RABGAP1L: variants seen among roughly 807,000 people sequenced by gnomAD.
RABGAP1L encodes rab GTPase-activating protein 1-like.
A neutral mutation model predicts 137.7 loss-of-function variants in RABGAP1L; 63 were observed. That is an observed-to-expected ratio of 0.46 (90% CI 0.37 to 0.56). RABGAP1L has a LOEUF of 0.56. RABGAP1L is among the 20% of genes least tolerant of loss of function. RABGAP1L has a pLI of 0.00. For missense variants in RABGAP1L, 1,095 were observed against 1,244.0 expected, an observed-to-expected ratio of 0.88 and a Z score of 1.80; for synonymous variants, 431 against 433.7, an observed-to-expected ratio of 0.99 and a Z score of 0.08.
intron 10 of RABGAP1L, among the ~76,000 whole-genome samples, chr1:174,286,406 A>G (rs542247643): frequency 5.9e-5 from 9 of 152,054 alleles, no homozygotes; most frequent in Middle Eastern, 3.2e-3. Flanking sequence ...GGTATCAGTT[A>G]TAATGCCTCT....
At position 174,189,016 on chromosome 1, in the gene RABGAP1L, A is replaced by G. The variant is rs554053286; in HGVS notation, c.-34+29359A>G. Among the ~76,000 whole-genome samples the G allele has an allele frequency of 4.6e-5, 7 of 152,136 alleles. No homozygotes were observed. The East Asian group carries it at 1.2e-3, about 25-fold the overall frequency. ...AGTCTTAGATAGCATTTATTTATTT[A>G]TTTGTTTATGATGGAGTCTTGCTCT... On this transcript the variant is annotated intron_variant, in intron 1 of 25. Transcript: ENST00000681986.
At chr1:174,381,384 TG>T (rs1265175449) in intron 12 of RABGAP1L, among the ~76,000 whole-genome samples, 12 of 141,848 alleles carry the variant, frequency 8.5e-5, no homozygotes, top group African/African-American at 2.8e-4. Flanking sequence ...ATGTTGACAG[TG>T]GGGTGTTAAA....
chr1:174,690,870 T>C (rs1678824296), intron 15 of RABGAP1L, among the ~76,000 whole-genome samples: 1 of 147,270 alleles, frequency 6.8e-6, no homozygotes, highest in African/African-American at 2.5e-5. Context: ...TCTCGCTCTA[T>C]GACCCAGGCT....
Position 174,551,015 on chromosome 1 carries a change from T to TAC in RABGAP1L, c.1711-86359_1711-86358insCA, listed in dbSNP as rs1234317875. 2.4e-4 allele frequency among the ~76,000 whole-genome samples: 30 copies of TAC among 126,722 alleles called. 1 individual carries two copies. The highest frequency in any genetic ancestry group is 3.8e-4 in the Non-Finnish European group (24 of 63,682). The allele number at this position is 126,722 out of a possible 152,430, so 83.1% of individuals were successfully genotyped here. ...ATATATACACATATATATATATATA[T>TAC]ATATATACATACACACACACACATA... On this transcript the variant is annotated intron_variant, in intron 13 of 25. Coordinates refer to ENST00000681986, the MANE Select transcript of RABGAP1L (RefSeq NM_001366446.1).
At chr1:174,496,327 G>A (rs1288414355) in intron 13 of RABGAP1L, among the ~76,000 whole-genome samples, 2 of 152,278 alleles carry the variant, frequency 1.3e-5, no homozygotes, top group African/African-American at 2.4e-5. Context: ...AACTTCAAAA[G>A]TAGGAAACAG....
intron 19 of RABGAP1L, among the ~76,000 whole-genome samples, chr1:174,886,135 T>C (rs146474401): frequency 5.8e-4 from 88 of 151,002 alleles, no homozygotes; most frequent in Middle Eastern, 6.8e-3. Flanking sequence ...TACCTCAGCC[T>C]ATGGGTAGCT....
chr1:174,719,025 G>A (rs1026567031), intron 17 of RABGAP1L, among the ~76,000 whole-genome samples: 2 of 151,780 alleles, frequency 1.3e-5, no homozygotes, highest in African/African-American at 4.8e-5. Context: ...TTTTAGTAGA[G>A]ATGGGGTTTC....
At chr1:174,721,266 A>C (rs76014701) in intron 17 of RABGAP1L, among the ~76,000 whole-genome samples, 11,997 of 152,306 alleles carry the variant, frequency 0.079, 660 homozygotes, top group East Asian at 0.32. Context: ...ACGGCCATAC[A>C]TAGAAGCATG....
intron 18 of RABGAP1L, among the ~76,000 whole-genome samples, chr1:174,799,062 A>G (rs1291123331): frequency 6.6e-6 from 1 of 152,204 alleles, no homozygotes; most frequent in African/African-American, 2.4e-5. Flanking sequence ...GTTTTCAACT[A>G]TTAGCTGAGT....
chr1:174,449,373 A>G (rs992102511), intron 13 of RABGAP1L, among the ~76,000 whole-genome samples: 10 of 152,216 alleles, frequency 6.6e-5, no homozygotes, highest in Non-Finnish European at 1.2e-4. Flanking sequence ...ACTAAAGGGA[A>G]GGATGTATAG....
At chr1:174,202,811 G>C (rs555630911) in intron 1 of RABGAP1L, among the ~76,000 whole-genome samples, 106 of 152,052 alleles carry the variant, frequency 7.0e-4, no homozygotes, top group African/African-American at 2.2e-3. Context: ...TTTAATCCAT[G>C]TTGAATTAAT....
chr1:174,365,033 G>C (rs372990233), intron 11 of RABGAP1L, among the ~76,000 whole-genome samples: 2 of 152,288 alleles, frequency 1.3e-5, no homozygotes, highest in East Asian at 3.9e-4. Context: ...ACTCTTTGCT[G>C]TCCTCTCCTT....
At chr1:174,324,248 T>G (rs1306904075) in intron 11 of RABGAP1L, among the ~76,000 whole-genome samples, 1 of 152,152 alleles carries the variant, frequency 6.6e-6, no homozygotes, top group Non-Finnish European at 1.5e-5. Flanking sequence ...AAATGAGGGG[T>G]GCAGAAGAGA....
intron 18 of RABGAP1L, among the ~76,000 whole-genome samples, chr1:174,753,195 A>G (rs749636874): frequency 5.3e-5 from 8 of 152,234 alleles, no homozygotes; most frequent in African/African-American, 7.2e-5. Flanking sequence ...TGAGATGATC[A>G]AAGAAGTCCT....
intron 13 of RABGAP1L, among the ~76,000 whole-genome samples, chr1:174,542,210 A>G (rs965965368): frequency 2.6e-5 from 4 of 152,112 alleles, no homozygotes; most frequent in African/African-American, 9.7e-5. Context: ...TCAGCTGTGA[A>G]TCCATCTGGT....
chr1:174,525,862 C>G (rs1397174664), intron 13 of RABGAP1L, among the ~76,000 whole-genome samples: 1 of 152,074 alleles, frequency 6.6e-6, no homozygotes, highest in Non-Finnish European at 1.5e-5. Flanking sequence ...AATTTTGTCA[C>G]ACTTTTTTCT....
At chr1:174,800,411 G>A (rs748244526) in intron 18 of RABGAP1L, 4 of 1,550,696 alleles carry the variant, frequency 2.6e-6, no homozygotes, top group African/African-American at 2.7e-5. Context: ...CATGCACGAC[G>A]AGAGGAGCAA....
At chr1:174,168,323 G>C (rs1393151740) in intron 1 of RABGAP1L, among the ~76,000 whole-genome samples, 2 of 147,000 alleles carry the variant, frequency 1.4e-5, no homozygotes, top group Non-Finnish European at 3.0e-5. Context: ...GTGAAAAATT[G>C]ACCATTGAAA....
At position 174,993,700 on chromosome 1, in the gene RABGAP1L, A is replaced by AG. The variant is rs1002938508; in HGVS notation, c.*3705dup. 6.6e-6 allele frequency: 1 copy of AG among 152,214 alleles called. No individual in the cohort carries two copies. Among genetic ancestry groups the AG allele is most frequent in the Non-Finnish European group, 1.5e-5 (1 of 68,028 alleles). The allele number at this position is 152,214 out of a possible 1,614,324, so 9.4% of individuals were successfully genotyped here. Reference sequence around the variant, plus strand: ...CAAACACTTAGGTACCTGCCTGATTAGGGGGGCCCCTTTAAGGGAAAAAAC... The same window carrying AG: ...CAAACACTTAGGTACCTGCCTGATTAGGGGGGGCCCCTTTAAGGGAAAAAAC... On this transcript the variant is annotated 3_prime_UTR_variant, in exon 26 of 26. Transcript: ENST00000681986.
Sources: allele counts gnomAD v4.1 joint callset (sites outside exome capture counted in the v4.1 genomes callset), GRCh38; gene constraint gnomAD v4.1.1; transcripts MANE v1.5; gene names NCBI Gene and HGNC (gene_info 2026-07-23, HGNC 2026-07-21).